The following SH3PXD2B variants were observed in gnomAD, a reference collection of about 807,000 sequenced individuals.
SH3PXD2B encodes SH3 and PX domains 2B.
In SH3PXD2B, 37 loss-of-function variants were observed where a neutral mutation model predicts 73.1. That is an observed-to-expected ratio of 0.51 (90% CI 0.39 to 0.67). The LOEUF is 0.67. Ranked by LOEUF, SH3PXD2B falls within the 30% of genes least tolerant of loss-of-function variation. The pLI, the probability that SH3PXD2B is intolerant of heterozygous loss-of-function variation, is 0.00. For synonymous variants in SH3PXD2B, 457 were observed against 480.5 expected, an observed-to-expected ratio of 0.95 and a Z score of 0.64; for missense variants, 1,053 against 1,197.8, an observed-to-expected ratio of 0.88 and a Z score of 1.78.
chr5:172,403,559 G>A (rs1238315628), intron 3 of SH3PXD2B, among the ~76,000 whole-genome samples: 1 of 152,168 alleles, frequency 6.6e-6, no homozygotes, highest in Non-Finnish European at 1.5e-5. Context: ...CCCTGGGAAC[G>A]GCATTTTCAT....
At chr5:172,440,485 G>T (rs892199115) in intron 1 of SH3PXD2B, among the ~76,000 whole-genome samples, 1 of 151,544 alleles carries the variant, frequency 6.6e-6, no homozygotes, top group African/African-American at 2.4e-5. Context: ...AGCTCAGGAA[G>T]AACATCCCCA....
chr5:172,429,351 A>G (rs1581332847), intron 1 of SH3PXD2B, among the ~76,000 whole-genome samples: 1 of 152,174 alleles, frequency 6.6e-6, no homozygotes, highest in Admixed American at 6.5e-5. Context: ...TTGGGGGAGC[A>G]GCTGGGACTG....
At position 172,377,422 on chromosome 5, in the gene SH3PXD2B, G is replaced by A. The variant is rs138910773; in HGVS notation, c.402-3607C>T. The stretch of plus-strand genomic sequence containing the variant: ...GGACCCAGCTGAGACTGCCTGCTGT[G>A]GCCCCAGAACCATCCCTTGGGCCCT... On this transcript the variant is annotated intron_variant, in intron 5 of 12. Coordinates refer to ENST00000311601, the MANE Select transcript of SH3PXD2B (RefSeq NM_001017995.3). 2.0e-3 allele frequency among the ~76,000 whole-genome samples: 311 copies of A among 152,234 alleles called. 2 individuals are homozygous for A. The highest frequency in any genetic ancestry group is 7.1e-3 in the African/African-American group (293 of 41,530).
chr5:172,338,099 G>T lies in SH3PXD2B; in HGVS notation c.*270C>A, dbSNP rs200575634. 3.8e-5 allele frequency: 52 copies of T among 1,376,098 alleles called. 1 individual carries two copies. In the East Asian group the frequency reaches 1.4e-3, roughly 37 times the overall value. The allele number at this position is 1,376,098 out of a possible 1,614,324, so 85.2% of individuals were successfully genotyped here. A position where few individuals can be genotyped will look rare whatever the true frequency, so the allele number is the denominator to read the frequency against. On this transcript the variant is annotated 3_prime_UTR_variant, in exon 13 of 13. Transcript: ENST00000311601. This position sits in a 1 kb window ranked among gnomAD's most constrained non-coding sequence, Gnocchi z 5.1. ...GGGTGGCAATGCCATTGGCCAGGAG[G>T]AGTTCTCTTAAGGCAGGGATGCTGA...
chr5:172,411,362 C>A (rs1397517051), intron 2 of SH3PXD2B, among the ~76,000 whole-genome samples: 1 of 152,182 alleles, frequency 6.6e-6, no homozygotes, highest in African/African-American at 2.4e-5. Flanking sequence ...GTCTCTACTG[C>A]CTGGTCTTAA....
chr5:172,337,940 G>C lies in SH3PXD2B; in HGVS notation c.*429C>G, dbSNP rs778308490. On this transcript the variant is annotated 3_prime_UTR_variant, in exon 13 of 13. Transcript: ENST00000311601. ...GGCTTTTAGAAACATGAAGAAGTTG[G>C]AGCAAAAGTCATCATGGACTGGGTT... 19 of 1,051,702 alleles carry C rather than the reference G, an allele frequency of 1.8e-5. No homozygotes were observed. Among genetic ancestry groups the C allele is most frequent in the Admixed American group, 4.9e-5 (1 of 20,286 alleles). 65.1% of individuals were successfully genotyped at this position (1,051,702 alleles called of 1,614,324 possible).
In SH3PXD2B at chr5:172,335,820, G is replaced by A; in HGVS notation, c.*2549C>T. The A allele has an allele frequency of 8.1e-7, 1 of 1,229,574 alleles. No homozygotes were observed. Among genetic ancestry groups the A allele is most frequent in the Non-Finnish European group, 1.0e-6 (1 of 987,204 alleles). 76.2% of individuals were successfully genotyped at this position (1,229,574 alleles called of 1,614,324 possible). A position where few individuals can be genotyped will look rare whatever the true frequency, so the allele number is the denominator to read the frequency against. On this transcript the variant is annotated 3_prime_UTR_variant, in exon 13 of 13. Transcript: ENST00000311601. ...AGTGTCTACCATTGTAGGAAAAGGA[G>A]CTGGATACAGACGTCCTCAGGCCAT... is the stretch of plus-strand genomic sequence containing the variant.
intron 6 of SH3PXD2B, among the ~76,000 whole-genome samples, chr5:172,372,160 C>G (rs1421299368): frequency 6.6e-6 from 1 of 152,090 alleles, no homozygotes; most frequent in African/African-American, 2.4e-5. Flanking sequence ...GATCTGCGTC[C>G]CCACCCAAAT....
chr5:172,328,751 A>G (rs1327424384), downstream of SH3PXD2B, among the ~76,000 whole-genome samples: 1 of 151,984 alleles, frequency 6.6e-6, no homozygotes, highest in African/African-American at 2.4e-5. Flanking sequence ...CCAGTGGAAT[A>G]TGCGTCCCTG....
intron 1 of SH3PXD2B, among the ~76,000 whole-genome samples, chr5:172,439,692 G>GCACACACACACACACACACACACACA (rs367799974): frequency 2.9e-5 from 4 of 138,542 alleles, no homozygotes; most frequent in Non-Finnish European, 6.2e-5. Flanking sequence ...GCACGCGCGC[G>GCACACACACACACACACACACACACA]CACACACACA....
Position 172,394,554 on chromosome 5 carries a change from C to T in SH3PXD2B, c.309+9G>A. On this transcript the variant is annotated intron_variant, in intron 4 of 12. Coordinates refer to ENST00000311601, the MANE Select transcript of SH3PXD2B (RefSeq NM_001017995.3). ...CAGGGAAGACTGCGTGGGCATTTCT[C>T]AGCCTTACCTTACAGTATTCATCAA... is the stretch of plus-strand genomic sequence containing the variant. The T allele has an allele frequency of 6.2e-7, 1 of 1,614,042 alleles. No individual in the cohort carries two copies. Among genetic ancestry groups the T allele is most frequent in the Non-Finnish European group, 8.5e-7 (1 of 1,179,954 alleles).
intron 12 of SH3PXD2B, among the ~76,000 whole-genome samples, chr5:172,326,778 A>C (rs1032174323): frequency 6.6e-6 from 1 of 152,076 alleles, no homozygotes; most frequent in Non-Finnish European, 1.5e-5. Flanking sequence ...CTTGGTTTGC[A>C]AAGCCCCAAA....
chr5:172,355,169 G>A (rs964890633), intron 8 of SH3PXD2B, among the ~76,000 whole-genome samples: 3 of 152,230 alleles, frequency 2.0e-5, no homozygotes, highest in Non-Finnish European at 2.9e-5. Flanking sequence ...TGCTGCAGTC[G>A]CTATCTCTTT....
downstream of SH3PXD2B, among the ~76,000 whole-genome samples, chr5:172,332,169 CTGT>C (rs1167231565): frequency 6.6e-6 from 1 of 151,992 alleles, no homozygotes; most frequent in Non-Finnish European, 1.5e-5. Context: ...ATTGCCAGTC[CTGT>C]TATGATTAAG....
In SH3PXD2B at chr5:172,368,640, T is replaced by TTATATATATAAAATATATATATTA. The variant is rs1561908485; in HGVS notation, c.427+5126_427+5149dup. On this transcript the variant is annotated intron_variant, in intron 6 of 12. Transcript: ENST00000311601. ...GTTATATATATATATAATATATATG[T>TTATATATATAAAATATATATATTA]TATATATATAAAATATATATATTAT... is the stretch of plus-strand genomic sequence containing the variant. 5.0e-4 allele frequency among the ~76,000 whole-genome samples: 8 copies of TTATATATATAAAATATATATATTA among 15,918 alleles called. 2 individuals carry two copies. The highest frequency in any genetic ancestry group is 3.5e-3 in the African/African-American group (7 of 1,990). The allele number at this position is 15,918 out of a possible 152,430, so 10.4% of individuals were successfully genotyped here.
Position 172,454,267 on chromosome 5 carries a change from G to T in SH3PXD2B, c.75+11C>A. The T allele has an allele frequency of 6.3e-7, 1 of 1,594,176 alleles. No individual in the cohort carries two copies. On this transcript the variant is annotated intron_variant, in intron 1 of 12. Coordinates refer to ENST00000311601, the MANE Select transcript of SH3PXD2B (RefSeq NM_001017995.3). ...GGGCTCAAGGGGGCGTGGGGGCCGCGCCGCACTCACATAATGCTTGTTGGG... is the reference window on the plus strand; with the variant it reads ...GGGCTCAAGGGGGCGTGGGGGCCGCTCCGCACTCACATAATGCTTGTTGGG...
chr5:172,367,284 G>A (rs1400581650), intron 6 of SH3PXD2B, among the ~76,000 whole-genome samples: 1 of 151,696 alleles, frequency 6.6e-6, no homozygotes, highest in African/African-American at 2.4e-5. Context: ...TTTAAAAGAT[G>A]TGTCAGAACA....
chr5:172,429,881 G>C (rs73804840), intron 1 of SH3PXD2B, among the ~76,000 whole-genome samples: 4,117 of 152,276 alleles, frequency 0.027, 193 homozygotes, highest in African/African-American at 0.094. Flanking sequence ...GCATGGGCCA[G>C]CAGGGAGATG....
At chr5:172,407,424 T>C (rs1051686836) in intron 2 of SH3PXD2B, among the ~76,000 whole-genome samples, 2 of 152,188 alleles carry the variant, frequency 1.3e-5, no homozygotes, top group Admixed American at 6.5e-5. Context: ...GCCGCGGTCA[T>C]GGGATGAGGT....
Sources: allele counts gnomAD v4.1 joint callset (sites outside exome capture counted in the v4.1 genomes callset), GRCh38; gene constraint gnomAD v4.1.1; non-coding constraint Gnocchi (gnomAD v3.1); transcripts MANE v1.5; gene names NCBI Gene and HGNC (gene_info 2026-07-23, HGNC 2026-07-21).